Variants in SAXO1 observed in about 807,000 individuals in gnomAD.
SAXO1 encodes the protein stabilizer of axonemal microtubules 1, also known as 4930500O09Rik.
A neutral mutation model predicts 17.5 loss-of-function variants in SAXO1; 21 were observed. The ratio of observed to expected loss-of-function variants is 1.20; its 90% CI spans 0.85 to 1.72. The LOEUF is 1.72. Ranked by LOEUF, SAXO1 falls within the 40% of genes most tolerant of loss-of-function variation. The probability of loss-of-function intolerance (pLI) is 0.00; values close to 1 mark genes in which losing one functional copy is unlikely to be tolerated. For missense variants in SAXO1, 843 were observed against 596.0 expected (o/e 1.41, Z -4.32); for synonymous variants, 274 against 216.5 (o/e 1.27, Z -2.33).
chr9:19,006,624 A>C (rs1378768591), intron 1 of SAXO1, among the ~76,000 whole-genome samples: 13 of 152,220 alleles, frequency 8.5e-5, no homozygotes, highest in African/African-American at 2.9e-4. Context: ...GGGAGGGGTA[A>C]TGGGAAGTTA....
intron 2 of SAXO1, among the ~76,000 whole-genome samples, chr9:18,950,114 A>T (rs968179537): frequency 6.6e-6 from 1 of 152,102 alleles, no homozygotes; most frequent in African/African-American, 2.4e-5. Context: ...ACTTTTCTGC[A>T]CCCCCTCAGT....
chr9:19,005,646 C>G (rs76585809), intron 1 of SAXO1, among the ~76,000 whole-genome samples: 1,632 of 152,266 alleles, frequency 0.011, 16 homozygotes, highest in Non-Finnish European at 0.016. Context: ...GATCAAAGAC[C>G]TAAGCATAAG....
chr9:18,957,679 G>A (rs1442187774), intron 1 of SAXO1, among the ~76,000 whole-genome samples: 1 of 152,096 alleles, frequency 6.6e-6, no homozygotes, highest in African/African-American at 2.4e-5. Context: ...CATGCCAATA[G>A]CTTAGAATGA....
chr9:18,927,779 A>T lies in SAXO1; in HGVS notation c.*273T>A. The T allele has an allele frequency of 2.8e-6, 1 of 362,966 alleles. No homozygotes were observed. Among genetic ancestry groups the T allele is most frequent in the African/African-American group, 2.1e-5 (1 of 48,330 alleles). 22.5% of individuals were successfully genotyped at this position (362,966 alleles called of 1,614,324 possible). A position where few individuals can be genotyped will look rare whatever the true frequency, so the allele number is the denominator to read the frequency against. ...ATCTGGATCAGAGAAACCCTCACAG[A>T]CCAACTTTGATTCCATAAGCACAAA... is the stretch of plus-strand genomic sequence containing the variant. On this transcript the variant is annotated 3_prime_UTR_variant, in exon 4 of 4. Transcript: ENST00000380534.
At chr9:19,010,656 C>T (rs1834692956) in intron 1 of SAXO1, among the ~76,000 whole-genome samples, 1 of 152,080 alleles carries the variant, frequency 6.6e-6, no homozygotes, top group Non-Finnish European at 1.5e-5. Flanking sequence ...GGCTAGCTGA[C>T]TCTCCAGAAT....
chr9:18,986,654 G>C (rs958869272), intron 1 of SAXO1, among the ~76,000 whole-genome samples: 2 of 151,880 alleles, frequency 1.3e-5, no homozygotes, highest in Non-Finnish European at 2.9e-5. Flanking sequence ...TGTCTACAAA[G>C]ACTGAAAGAA....
intron 2 of SAXO1, among the ~76,000 whole-genome samples, chr9:18,947,035 G>A (rs926507657): frequency 3.3e-5 from 5 of 152,096 alleles, no homozygotes. Flanking sequence ...AGAAATAATG[G>A]CCAAAATGTC....
intron 1 of SAXO1, among the ~76,000 whole-genome samples, chr9:18,957,052 A>G (rs1004413377): frequency 9.2e-5 from 14 of 152,154 alleles, no homozygotes; most frequent in Admixed American, 5.9e-4. Context: ...GTACCAAGTA[A>G]TTCTCTTTTC....
chr9:19,014,386 T>TG (rs1834878992), intron 1 of SAXO1, among the ~76,000 whole-genome samples: 1 of 138,600 alleles, frequency 7.2e-6, no homozygotes, highest in African/African-American at 2.7e-5. Context: ...CCCTTGAACC[T>TG]GGGGGGCAAG....
intron 1 of SAXO1, among the ~76,000 whole-genome samples, chr9:19,003,175 C>G (rs190169438): frequency 1.3e-5 from 2 of 152,082 alleles, no homozygotes; most frequent in African/African-American, 4.8e-5. Flanking sequence ...ACCTAGGAAT[C>G]CAACTTACAA....
intron 2 of SAXO1, among the ~76,000 whole-genome samples, chr9:18,944,363 C>G (rs1831704932): frequency 6.6e-6 from 1 of 152,174 alleles, no homozygotes; most frequent in African/African-American, 2.4e-5. Flanking sequence ...TTCACTGAAA[C>G]CTGTCATTAA....
At chr9:18,998,239 AC>A (rs1834093870) in intron 1 of SAXO1, among the ~76,000 whole-genome samples, 1 of 152,158 alleles carries the variant, frequency 6.6e-6, no homozygotes, top group Admixed American at 6.5e-5. Context: ...TGAATGGCTA[AC>A]TAGAATAACC....
At chr9:18,975,031 G>A (rs747926795) in intron 1 of SAXO1, among the ~76,000 whole-genome samples, 1 of 152,156 alleles carries the variant, frequency 6.6e-6, no homozygotes, top group Non-Finnish European at 1.5e-5. Flanking sequence ...ACTGTGTAGG[G>A]TATGGCTAAG....
At chr9:19,024,425 C>G (rs985152619) in intron 1 of SAXO1, among the ~76,000 whole-genome samples, 3 of 151,672 alleles carry the variant, frequency 2.0e-5, no homozygotes, top group Non-Finnish European at 4.4e-5. Flanking sequence ...GGGAACATCA[C>G]ACACCGGGGA....
rs1295854150 is a variant in SAXO1 at position 18,941,644 on chromosome 9, A to T, written c.414T>A (p.Thr138=). 3 of 1,614,130 alleles carry T rather than the reference A, an allele frequency of 1.9e-6. No homozygotes were observed. In the South Asian group the frequency reaches 3.3e-5, roughly 18 times the overall value. Residue 138 remains threonine (T), a synonymous_variant, in exon 3 of 4, where the codon ACT becomes ACA. Transcript: ENST00000380534. ...PCSDKMECLP[T]YKADYLPWNQ... ...CCCTCTGTGCTCTCCCACCTTTATA[A>T]GTAGGCAAACACTCCATCTTGTCGC...
chr9:18,954,288 T>G (rs1832156560), intron 1 of SAXO1, among the ~76,000 whole-genome samples: 1 of 152,126 alleles, frequency 6.6e-6, no homozygotes, highest in Non-Finnish European at 1.5e-5. Context: ...CTGTTAATTG[T>G]TAATAAATAA....
At chr9:19,031,709 T>A (rs1349623645) in intron 1 of SAXO1, among the ~76,000 whole-genome samples, 1 of 152,220 alleles carries the variant, frequency 6.6e-6, no homozygotes, top group African/African-American at 2.4e-5. Context: ...GTCCCAGTCC[T>A]AGCAAATGGC....
At chr9:19,032,739 G>T in intron 1 of SAXO1, 132 bp downstream of exon 1, 1 of 936,520 alleles carries the variant, frequency 1.1e-6, no homozygotes, top group Non-Finnish European at 1.6e-6. Flanking sequence ...ACACAATTGT[G>T]GCTTAAAAAA....
intron 1 of SAXO1, among the ~76,000 whole-genome samples, chr9:18,960,232 G>A (rs1301495471): frequency 6.6e-6 from 1 of 152,202 alleles, no homozygotes; most frequent in Non-Finnish European, 1.5e-5. Flanking sequence ...GACGCGTGGG[G>A]TAGGATTTTG....
Sources: allele counts gnomAD v4.1 joint callset (sites outside exome capture counted in the v4.1 genomes callset), GRCh38; gene constraint gnomAD v4.1.1; transcripts MANE v1.5; gene names NCBI Gene and HGNC (gene_info 2026-07-23, HGNC 2026-07-21).